Variants in PSTPIP1 observed in about 807,000 individuals in gnomAD.
PSTPIP1 encodes proline-serine-threonine phosphatase interacting protein 1, also known as proline-serine-threonine phosphatase-interacting protein 1.
PSTPIP1 carries 66 observed loss-of-function variants against 69.6 expected under a neutral mutation model. The observed-to-expected ratio is 0.95, with a 90% CI of 0.78 to 1.16. PSTPIP1 has a LOEUF of 1.16. Ranked by LOEUF, PSTPIP1 falls within the 50% of genes most tolerant of loss-of-function variation. The pLI is 0.00. For synonymous variants in PSTPIP1, 266 were observed against 222.7 expected, an observed-to-expected ratio of 1.19 and a Z score of -1.73; for missense variants, 603 against 557.4, an observed-to-expected ratio of 1.08 and a Z score of -0.82.
chr15:77,023,237 G>C (rs769979854), intron 3 of PSTPIP1, among the ~76,000 whole-genome samples: 8 of 152,264 alleles, frequency 5.3e-5, no homozygotes, highest in African/African-American at 1.2e-4. Flanking sequence ...AAGGGCTCAT[G>C]GTTCAGCTGC....
intron 1 of PSTPIP1, among the ~76,000 whole-genome samples, chr15:77,006,191 GT>G (rs2075813197): frequency 6.6e-6 from 1 of 151,956 alleles, no homozygotes; most frequent in Non-Finnish European, 1.5e-5. Flanking sequence ...TCTCATCGTA[GT>G]TTTGATTTGC....
chr15:77,009,202 G>A (rs888881090), intron 1 of PSTPIP1, among the ~76,000 whole-genome samples: 1 of 152,162 alleles, frequency 6.6e-6, no homozygotes, highest in African/African-American at 2.4e-5. Flanking sequence ...GGCACGGAAG[G>A]CCTCAGGCTC....
Position 77,027,892 on chromosome 15 carries a change from C to G in PSTPIP1, c.395C>G (p.Ser132Trp), listed in dbSNP as rs777409558. 19 of 1,567,742 alleles carry G rather than the reference C, an allele frequency of 1.2e-5. No homozygotes were observed. Among genetic ancestry groups the G allele is most frequent in the Non-Finnish European group, 1.6e-5 (18 of 1,157,030 alleles). ...GACCGGGTCCAGAAGAGCAAGCTGT[C>G]GCTCTACAAGAAGGCCATGGAGGTG... is the stretch of plus-strand genomic sequence containing the variant. ...VMDRVQKSKL[S>W]LYKKAMESKK... Residue 132 changes from serine (S) to tryptophan (W), a missense_variant, in exon 6 of 15, where the codon TCG (serine) becomes TGG (tryptophan). Transcript: ENST00000558012. This position sits in a 1 kb window ranked among gnomAD's most constrained non-coding sequence, Gnocchi z 4.3.
intron 14 of PSTPIP1, 70 bp from the exon 15 acceptor site, chr15:77,036,975 C>CCAGGCCCCTCCCTG (rs550537172): frequency 9.5e-6 from 15 of 1,572,600 alleles, no homozygotes; most frequent in Admixed American, 8.7e-5. Context: ...TGGGGGAACG[C>CCAGGCCCCTCCCTG]CAGGCCCCTC....
At chr15:77,024,538 G>A (rs1370929765) in intron 3 of PSTPIP1, 1 of 152,186 alleles carries the variant, frequency 6.6e-6, no homozygotes, top group African/African-American at 2.4e-5. Flanking sequence ...CCAGGTGAAC[G>A]TGAATTTCAG....
intron 1 of PSTPIP1, among the ~76,000 whole-genome samples, chr15:76,998,624 C>T (rs1459254657): frequency 3.9e-5 from 6 of 152,238 alleles, no homozygotes; most frequent in South Asian, 2.1e-4. Flanking sequence ...ACCTGGACTA[C>T]GAAAGGACGT....
intron 3 of PSTPIP1, chr15:77,024,434 T>G (rs1329405455): frequency 6.6e-6 from 1 of 152,082 alleles, no homozygotes; most frequent in African/African-American, 2.4e-5. Context: ...CCCAGGGCTG[T>G]CCGGTGGGCG....
At chr15:77,000,479 A>ATATATATATATATATATATG (rs1568482008) in intron 1 of PSTPIP1, among the ~76,000 whole-genome samples, 2 of 148,858 alleles carry the variant, frequency 1.3e-5, no homozygotes, top group African/African-American at 5.1e-5. Context: ...ATATATATAC[A>ATATATATATATATATATATG]CACACACACA....
intron 1 of PSTPIP1, among the ~76,000 whole-genome samples, chr15:77,013,029 T>C (rs944553022): frequency 6.6e-6 from 1 of 152,158 alleles, no homozygotes; most frequent in African/African-American, 2.4e-5. Context: ...CCTCAGGTTT[T>C]CAGTCCACAG....
chr15:77,036,073 C>G, intron 14 of PSTPIP1, 138 bp downstream of exon 14: 3 of 1,194,286 alleles, frequency 2.5e-6, no homozygotes, highest in Non-Finnish European at 3.4e-6. Flanking sequence ...CTCAGGAGGG[C>G]ACGTGTGCCC....
At chr15:77,003,841 G>A (rs1246280317) in intron 1 of PSTPIP1, among the ~76,000 whole-genome samples, 4 of 152,078 alleles carry the variant, frequency 2.6e-5, no homozygotes, top group Non-Finnish European at 5.9e-5. Flanking sequence ...TCAGGGCAGT[G>A]CTAAGGGACC....
intron 1 of PSTPIP1, chr15:77,007,952 C>A: frequency 2.2e-6 from 1 of 455,904 alleles, no homozygotes; most frequent in Non-Finnish European, 4.4e-6. Flanking sequence ...CCTTCTTGGT[C>A]ACCTCCTGAA....
chr15:77,034,174 G>GT (rs2076496316), intron 12 of PSTPIP1, among the ~76,000 whole-genome samples: 1 of 135,384 alleles, frequency 7.4e-6, no homozygotes, highest in Non-Finnish European at 1.6e-5. Flanking sequence ...GGAGTCAGAA[G>GT]TGTAGACAGT....
At chr15:77,018,013 C>A in intron 1 of PSTPIP1, 135 bp from the exon 2 acceptor site, 1 of 839,164 alleles carries the variant, frequency 1.2e-6, no homozygotes, top group Non-Finnish European at 1.9e-6. Flanking sequence ...TCTGGAGTCC[C>A]AAGAGCTTGC....
intron 7 of PSTPIP1, 143 bp downstream of exon 7, chr15:77,028,795 T>G (rs141032908): frequency 1.7e-5 from 13 of 765,302 alleles, no homozygotes; most frequent in African/African-American, 1.6e-4. Context: ...TCTCCCCATC[T>G]GTGAAATGGG....
Position 77,024,727 on chromosome 15 carries a change from TC to T in PSTPIP1, c.213-554del, listed in dbSNP as rs1164682619. 1.3e-3 allele frequency among the ~76,000 whole-genome samples: 6 copies of T among 4,620 alleles called. 1 individual carries two copies. In the East Asian group the frequency reaches 0.022, roughly 17 times the overall value. 3.0% of individuals were successfully genotyped at this position (4,620 alleles called of 152,430 possible). A position where few individuals can be genotyped will look rare whatever the true frequency, so the allele number is the denominator to read the frequency against. On this transcript the variant is annotated intron_variant, in intron 3 of 14. Transcript: ENST00000558012. ...CCTCCTATGCGCAGTGCTGGGCCCTTCCCTCCCTCCCTCCCTCCCTCCCTCC... is the reference window on the plus strand; with the variant it reads ...CCTCCTATGCGCAGTGCTGGGCCCTTCCTCCCTCCCTCCCTCCCTCCCTCC...
chr15:77,009,348 G>A (rs1347105315), intron 1 of PSTPIP1, among the ~76,000 whole-genome samples: 1 of 152,120 alleles, frequency 6.6e-6, no homozygotes, highest in African/African-American at 2.4e-5. Context: ...GCCCATCTCT[G>A]TCTCTTGAGC....
At chr15:77,012,392 TCCACCCAC>T (rs1313118817) in intron 1 of PSTPIP1, among the ~76,000 whole-genome samples, 138 of 120,036 alleles carry the variant, frequency 1.1e-3, no homozygotes, top group African/African-American at 4.3e-3. Flanking sequence ...CATCCATCCA[TCCACCCAC>T]CCACCCATCT....
intron 1 of PSTPIP1, among the ~76,000 whole-genome samples, chr15:77,001,887 T>C (rs1167039947): frequency 6.6e-6 from 1 of 152,236 alleles, no homozygotes; most frequent in Non-Finnish European, 1.5e-5. Flanking sequence ...GGATGAGGGA[T>C]GAGGCTGAGC....
Sources: gnomAD v4.1 joint callset for allele counts (sites outside exome capture counted in the v4.1 genomes callset) on GRCh38, gnomAD v4.1.1 for gene constraint, Gnocchi (gnomAD v3.1) non-coding constraint, MANE v1.5 for transcripts, NCBI Gene and HGNC (gene_info 2026-07-23, HGNC 2026-07-21) for gene names.